The following RARB variants were observed in gnomAD, a reference collection of about 807,000 sequenced individuals.
RARB encodes retinoic acid receptor beta, also known as HBV-activated protein.
Under a neutral mutation model 51.9 loss-of-function variants are expected in RARB, and 17 were observed. The ratio of observed to expected loss-of-function variants is 0.33; its 90% CI spans 0.22 to 0.49. RARB has a LOEUF of 0.49. RARB is among the 20% of genes least tolerant of loss of function. The pLI is 0.99. For synonymous variants in RARB, 215 were observed against 195.4 expected (o/e 1.10, Z -0.84); for missense variants, 369 against 550.8 (o/e 0.67, Z 3.30).
upstream of RARB, among the ~76,000 whole-genome samples, chr3:25,427,736 A>G (rs1046214600): frequency 3.9e-5 from 6 of 152,214 alleles, no homozygotes; most frequent in Non-Finnish European, 7.3e-5. Flanking sequence ...TCCCAACCCA[A>G]GCCTTTCCCA....
intron 5 of RARB, among the ~76,000 whole-genome samples, chr3:25,293,478 G>A (rs1230708951): frequency 2.0e-5 from 3 of 151,284 alleles, no homozygotes; most frequent in African/African-American, 2.4e-5. Flanking sequence ...TTGTATTGTT[G>A]ACGATGGGAA....
intron 2 of RARB, among the ~76,000 whole-genome samples, chr3:24,991,876 C>A (rs114773275): frequency 2.0e-5 from 3 of 152,076 alleles, no homozygotes; most frequent in Admixed American, 6.5e-5. Flanking sequence ...CCAGTCTGTT[C>A]CCTATCTCCC....
chr3:25,055,019 A>C (rs569334341), intron 2 of RARB, among the ~76,000 whole-genome samples: 1 of 152,176 alleles, frequency 6.6e-6, no homozygotes, highest in Non-Finnish European at 1.5e-5. Flanking sequence ...TCAGTCTCTA[A>C]ATACTTCGTG....
chr3:25,227,967 A>T (rs73149244), intron 5 of RARB, among the ~76,000 whole-genome samples: 1 of 152,006 alleles, frequency 6.6e-6, no homozygotes, highest in African/African-American at 2.4e-5. Flanking sequence ...CATTGCCTCT[A>T]TGTCTTTTGG....
At chr3:25,453,045 G>T (rs1199239324) in intron 1 of RARB, among the ~76,000 whole-genome samples, 6 of 152,114 alleles carry the variant, frequency 3.9e-5, no homozygotes, top group Admixed American at 3.9e-4. Flanking sequence ...ATTTAGTAAG[G>T]ACCTGTGCAA....
In RARB at chr3:25,246,484, A is replaced by G. The variant is rs553456038; in HGVS notation, c.178+71909A>G. Among the ~76,000 whole-genome samples, 8 of 151,826 alleles carry G rather than the reference A, an allele frequency of 5.3e-5. No homozygotes were observed. In the South Asian group the frequency reaches 1.7e-3, roughly 32 times the overall value. On this transcript the variant is annotated intron_variant, in intron 5 of 11. Coordinates refer to the RARB transcript ENST00000383772. ...TACCTACCTTTGGTCTTTGCTCTTGATCTTCGGATGGAGTTTTTGCATGGT... is the reference window on the plus strand; with the variant it reads ...TACCTACCTTTGGTCTTTGCTCTTGGTCTTCGGATGGAGTTTTTGCATGGT...
rs3057186 is a variant in RARB at position 24,861,594 on chromosome 3, T to TA, written c.-380+2863dup. On this transcript the variant is annotated intron_variant, in intron 2 of 11. Coordinates refer to the RARB transcript ENST00000383772. The stretch of plus-strand genomic sequence containing the variant: ...CCTTGTTAACAGAAATAACTTGTTA[T>TA]AAAAAAAAAAAAAAAAAAAAACCTT... Among the ~76,000 whole-genome samples the TA allele has an allele frequency of 9.6e-3, 1,328 of 137,790 alleles. 11 individuals are homozygous for TA. The highest frequency in any genetic ancestry group is 0.013 in the Non-Finnish European group (813 of 61,602). 90.4% of individuals were successfully genotyped at this position (137,790 alleles called of 152,430 possible).
At chr3:25,209,458 T>C (rs372367680) in intron 5 of RARB, among the ~76,000 whole-genome samples, 2 of 152,242 alleles carry the variant, frequency 1.3e-5, no homozygotes, top group Non-Finnish European at 2.9e-5. Context: ...TCATACTTCA[T>C]GTCCATGAAG....
At chr3:25,037,850 C>A (rs1698030063) in intron 2 of RARB, among the ~76,000 whole-genome samples, 1 of 152,032 alleles carries the variant, frequency 6.6e-6, no homozygotes, top group Non-Finnish European at 1.5e-5. Flanking sequence ...CTTGAAGGAT[C>A]TGCAAAGACT....
chr3:25,454,386 C>T (rs894912673), intron 1 of RARB, among the ~76,000 whole-genome samples: 1 of 152,232 alleles, frequency 6.6e-6, no homozygotes, highest in Non-Finnish European at 1.5e-5. Flanking sequence ...TGACCAAACG[C>T]AACTTTGCTC....
intron 5 of RARB, among the ~76,000 whole-genome samples, chr3:25,400,288 G>T (rs928727213): frequency 1.3e-5 from 2 of 152,102 alleles, no homozygotes; most frequent in Non-Finnish European, 2.9e-5. Context: ...CCCAGTGATC[G>T]TGATGAAATA....
intron 5 of RARB, among the ~76,000 whole-genome samples, chr3:25,299,189 C>G (rs1196825188): frequency 1.3e-5 from 2 of 152,022 alleles, no homozygotes; most frequent in Non-Finnish European, 2.9e-5. Flanking sequence ...TTGACCTCTC[C>G]CCTCAGGACA....
chr3:25,067,437 A>G (rs1698685039), intron 3 of RARB, among the ~76,000 whole-genome samples: 1 of 152,216 alleles, frequency 6.6e-6, no homozygotes, highest in Non-Finnish European at 1.5e-5. Flanking sequence ...GAGCTGTTTT[A>G]TGACGTGATG....
intron 2 of RARB, among the ~76,000 whole-genome samples, chr3:24,862,746 T>A (rs1235457331): frequency 6.6e-6 from 1 of 152,214 alleles, no homozygotes; most frequent in Non-Finnish European, 1.5e-5. Flanking sequence ...GCTACTCTAC[T>A]AAACCTGAAG....
intron 3 of RARB, among the ~76,000 whole-genome samples, chr3:25,511,163 T>C (rs1697873255): frequency 1.3e-5 from 2 of 152,210 alleles, no homozygotes; most frequent in African/African-American, 2.4e-5. Context: ...GATGGCGTCT[T>C]GCTCTGTTGC....
At chr3:25,079,827 A>G (rs576359775) in intron 3 of RARB, among the ~76,000 whole-genome samples, 1 of 152,282 alleles carries the variant, frequency 6.6e-6, no homozygotes, top group South Asian at 2.1e-4. Context: ...TGTTAGTCTA[A>G]ATTTTTCTTG....
intron 5 of RARB, among the ~76,000 whole-genome samples, chr3:25,587,249 A>T (rs1701427017): frequency 6.6e-6 from 1 of 152,178 alleles, no homozygotes; most frequent in Non-Finnish European, 1.5e-5. Flanking sequence ...GGCTGCCTTT[A>T]TGAAGTGTGG....
intron 2 of RARB, among the ~76,000 whole-genome samples, chr3:25,026,646 G>A (rs1331990305): frequency 1.3e-5 from 2 of 152,182 alleles, no homozygotes; most frequent in Non-Finnish European, 2.9e-5. Context: ...TTAGGGGTTA[G>A]GGCTTTAACA....
chr3:24,887,576 C>G (rs779200857), intron 2 of RARB, among the ~76,000 whole-genome samples: 12 of 152,144 alleles, frequency 7.9e-5, no homozygotes, highest in Non-Finnish European at 1.5e-4. Flanking sequence ...AGCAATTGAA[C>G]AATAGTTTTT....
Sources: gnomAD v4.1 joint callset for allele counts (sites outside exome capture counted in the v4.1 genomes callset) on GRCh38, gnomAD v4.1.1 for gene constraint, MANE v1.5 for transcripts, NCBI Gene and HGNC (gene_info 2026-07-23, HGNC 2026-07-21) for gene names.